Variants in LARP4 observed in about 807,000 individuals in gnomAD.
The protein encoded by LARP4 is la-related protein 4.
A neutral mutation model predicts 92.9 loss-of-function variants in LARP4; 29 were observed. The observed-to-expected ratio is 0.31, with a 90% CI of 0.23 to 0.43. The LOEUF (loss-of-function observed/expected upper bound fraction) is 0.43, where lower values mean the gene tolerates loss of function less well. LARP4 is among the 20% of genes least tolerant of loss of function. The pLI is 1.00. For missense variants in LARP4, 732 were observed against 860.0 expected, an observed-to-expected ratio of 0.85 and a Z score of 1.86; for synonymous variants, 279 against 284.1, an observed-to-expected ratio of 0.98 and a Z score of 0.18.
chr12:50,453,589 A>G lies in LARP4; in HGVS notation c.934A>G (p.Asn312Asp), dbSNP rs1361739596. The change falls in exon 9 of 16, where the codon AAT becomes GAT. Residue 312 changes from asparagine to aspartate, a missense_variant. Coordinates refer to ENST00000398473, the MANE Select transcript of LARP4 (RefSeq NM_052879.5). ...CCCAGTCTTTATGCAGCCTGTATAT[A>G]ATCCTCACCAACAGTACTCGGTCTA... Reference protein sequence around the residue: ...ASPVFMQPVYNPHQQYSVYSI... With the variant: ...ASPVFMQPVYDPHQQYSVYSI... The G allele has an allele frequency of 6.2e-7, 1 of 1,613,554 alleles. No homozygotes were observed. The highest frequency in any genetic ancestry group is 1.3e-5 in the African/African-American group (1 of 74,882).
At chr12:50,456,599 T>C (rs990943127) in intron 10 of LARP4, among the ~76,000 whole-genome samples, 4 of 152,188 alleles carry the variant, frequency 2.6e-5, no homozygotes, top group Admixed American at 2.0e-4. Context: ...TATTCCTACT[T>C]AGAGAGAATA....
chr12:50,451,923 G>T (rs1163775096), intron 8 of LARP4, among the ~76,000 whole-genome samples: 1 of 152,026 alleles, frequency 6.6e-6, no homozygotes, highest in Non-Finnish European at 1.5e-5. Context: ...AAAATCATTT[G>T]AACCAGGTGG....
intron 13 of LARP4, among the ~76,000 whole-genome samples, chr12:50,473,184 C>T (rs545543412): frequency 2.0e-5 from 3 of 152,052 alleles, no homozygotes; most frequent in Non-Finnish European, 4.4e-5. Flanking sequence ...ACATTGCCAC[C>T]CTCTATGTAT....
chr12:50,426,224 A>G (rs984378197), intron 1 of LARP4, among the ~76,000 whole-genome samples: 2 of 152,188 alleles, frequency 1.3e-5, no homozygotes, highest in Non-Finnish European at 2.9e-5. Context: ...ATGGCACACT[A>G]GGGTGGGCTT....
Position 50,446,431 on chromosome 12 carries a change from T to TATA in LARP4, c.804+4788_804+4789insATA, listed in dbSNP as rs1565649252. 6.4e-3 allele frequency among the ~76,000 whole-genome samples: 85 copies of TATA among 13,234 alleles called. 13 individuals carry two copies. Among genetic ancestry groups the TATA allele is most frequent in the Non-Finnish European group, 8.3e-3 (61 of 7,326 alleles). 8.7% of individuals were successfully genotyped at this position (13,234 alleles called of 152,430 possible). On this transcript the variant is annotated intron_variant, in intron 8 of 15. Transcript: ENST00000398473. ...TCTCTATATATATATATATATATAT[T>TATA]TTTTTTTTTTTTTATAGACGGAGTC...
At chr12:50,414,149 G>T (rs987684537) in intron 1 of LARP4, among the ~76,000 whole-genome samples, 1 of 152,084 alleles carries the variant, frequency 6.6e-6, no homozygotes, top group African/African-American at 2.4e-5. Flanking sequence ...TATTGAATCT[G>T]GGCCGTTGAA....
Position 50,467,019 on chromosome 12 carries a change from T to G in LARP4, c.1444T>G (p.Ser482Ala). ...AACACCAAAGTTTGACTTATTAGCCTCAAATTTTCCACCTTTACCTGGAAG... is the reference window on the plus strand; with the variant it reads ...AACACCAAAGTTTGACTTATTAGCCGCAAATTTTCCACCTTTACCTGGAAG... ...APTPKFDLLA[S>A]NFPPLPGSSS... is the part of the protein sequence containing the mutation. The change falls in exon 13 of 16, where the codon TCA (serine) becomes GCA (alanine). Residue 482 changes from serine to alanine, a missense_variant. Coordinates refer to ENST00000398473, the MANE Select transcript of LARP4 (RefSeq NM_052879.5). 6.2e-7 allele frequency: 1 copy of G among 1,613,782 alleles called. No homozygotes were observed.
At chr12:50,401,127 C>G in intron 1 of LARP4, 99 bp downstream of exon 1, 1 of 1,379,812 alleles carries the variant, frequency 7.2e-7, no homozygotes, top group Non-Finnish European at 1.0e-6. Flanking sequence ...GCCGTACACG[C>G]CGCGGAACCG....
At chr12:50,459,676 T>C (rs572158668) in intron 10 of LARP4, among the ~76,000 whole-genome samples, 30 of 151,556 alleles carry the variant, frequency 2.0e-4, no homozygotes, top group Middle Eastern at 3.4e-3. Context: ...ATACAAAAAT[T>C]ATCTAGGTGT....
At chr12:50,466,827 T>A in intron 12 of LARP4, 132 bp from the exon 13 acceptor site, 1 of 718,644 alleles carries the variant, frequency 1.4e-6, no homozygotes, top group South Asian at 2.7e-5. Context: ...AGAATTTATG[T>A]AGGGATACAG....
chr12:50,444,843 T>G (rs566111559), intron 8 of LARP4, among the ~76,000 whole-genome samples: 1 of 152,326 alleles, frequency 6.6e-6, no homozygotes, highest in East Asian at 1.9e-4. Context: ...GGAACTTCCA[T>G]TGGTGTTTGT....
intron 8 of LARP4, among the ~76,000 whole-genome samples, chr12:50,442,953 C>T (rs989583654): frequency 4.6e-5 from 7 of 152,116 alleles, no homozygotes; most frequent in Non-Finnish European, 1.0e-4. Context: ...CTTCCTCTGT[C>T]TATGATGTTC....
chr12:50,463,043 A>G (rs1276954913), intron 12 of LARP4, among the ~76,000 whole-genome samples: 1 of 151,984 alleles, frequency 6.6e-6, no homozygotes, highest in Non-Finnish European at 1.5e-5. Flanking sequence ...GGAGAGGCAG[A>G]GGAGGAACGG....
chr12:50,403,816 G>C (rs1266390242), intron 1 of LARP4, among the ~76,000 whole-genome samples: 3 of 152,184 alleles, frequency 2.0e-5, no homozygotes, highest in African/African-American at 7.2e-5. Flanking sequence ...AACAGTAGTA[G>C]TATATACTTG....
chr12:50,408,187 CTTTTTTTTTTTT>C (rs71083565), intron 1 of LARP4, among the ~76,000 whole-genome samples: 29 of 69,266 alleles, frequency 4.2e-4, no homozygotes, highest in Admixed American at 7.5e-4. Flanking sequence ...GGATTTTCTG[CTTTTTTTTTTTT>C]TTTTTTTTTT....
At chr12:50,430,151 AG>A (rs10712706) in intron 3 of LARP4, among the ~76,000 whole-genome samples, 107,925 of 151,974 alleles carry the variant, frequency 0.71, 44,417 homozygotes, top group Non-Finnish European at 0.93. Context: ...TGAGCCCAGG[AG>A]TTTGAGAACA....
intron 8 of LARP4, among the ~76,000 whole-genome samples, chr12:50,449,563 A>G (rs920236949): frequency 5.9e-5 from 9 of 152,096 alleles, no homozygotes. Context: ...ATGCCTTGCT[A>G]CCTTGGTAGC....
rs959809603 is a variant in LARP4 at position 50,473,416 on chromosome 12, A to T, written c.1547A>T (p.Asp516Val). 1 of 1,612,046 alleles carries T rather than the reference A, an allele frequency of 6.2e-7. No homozygotes were observed. Among genetic ancestry groups the T allele is most frequent in the African/African-American group, 1.3e-5 (1 of 74,860 alleles). The change falls in exon 14 of 16, where the codon GAT becomes GTT. Residue 516 changes from aspartate to valine, a missense_variant and splice_region_variant. This residue lies in a region of LARP4 where 8 missense variants were observed against 23.9 expected (regional missense o/e 0.33). Transcript: ENST00000398473. The stretch of plus-strand genomic sequence containing the variant: ...TTTGAAAAATCTTTTTACTTTAAGG[A>T]TAATGAAGAGTTGACAATTAGTTGC... The part of the protein sequence containing the change: ...DVVKGVYKEK[D>V]NEELTISCPV...
intron 1 of LARP4, among the ~76,000 whole-genome samples, chr12:50,403,932 T>TA (rs201473120): frequency 3.4e-4 from 2 of 5,886 alleles, no homozygotes; most frequent in Non-Finnish European, 3.7e-3. Context: ...ATTTTAGTGA[T>TA]AAGTAAGGCA....
Sources: allele counts gnomAD v4.1 joint callset (sites outside exome capture counted in the v4.1 genomes callset), GRCh38; gene constraint gnomAD v4.1.1; regional missense constraint gnomAD v4.1.1; transcripts MANE v1.5; gene names NCBI Gene and HGNC (gene_info 2026-07-23, HGNC 2026-07-21).